STPG2: variants seen among roughly 807,000 people sequenced by gnomAD.
STPG2 encodes the protein sperm tail PG-rich repeat containing 2.
STPG2 carries 56 observed loss-of-function variants against 54.2 expected under a neutral mutation model. The observed-to-expected ratio is 1.03, with a 90% CI of 0.83 to 1.29. STPG2 has a LOEUF of 1.29. STPG2 is among the 50% of genes most tolerant of loss of function. The pLI is 0.00. For synonymous variants in STPG2, 200 were observed against 181.8 expected (o/e 1.10, Z -0.81); for missense variants, 596 against 544.9 (o/e 1.09, Z -0.93).
At chr4:98,017,515 T>TG (rs1207911491) in intron 5 of STPG2, among the ~76,000 whole-genome samples, 4 of 152,206 alleles carry the variant, frequency 2.6e-5, no homozygotes, top group Non-Finnish European at 5.9e-5. Flanking sequence ...CTGCTCAGGT[T>TG]GGGGTGAGGG....
intron 8 of STPG2, among the ~76,000 whole-genome samples, chr4:97,926,817 A>G (rs1323839683): frequency 6.6e-6 from 1 of 152,138 alleles, no homozygotes; most frequent in Non-Finnish European, 1.5e-5. Context: ...AATGATGAAA[A>G]GAGACCACAG....
At chr4:97,897,719 G>A (rs1731012994) in intron 8 of STPG2, among the ~76,000 whole-genome samples, 1 of 151,886 alleles carries the variant, frequency 6.6e-6, no homozygotes. Flanking sequence ...TGAAAAGTGT[G>A]TGTTCACATC....
intron 5 of STPG2, among the ~76,000 whole-genome samples, chr4:98,061,803 T>C (rs1264249535): frequency 2.0e-5 from 3 of 152,006 alleles, no homozygotes; most frequent in African/African-American, 7.2e-5. Context: ...ATAACAGATG[T>C]TGGTGAGGTT....
rs375618958 is a variant in STPG2, at chr4:97,677,519, T to C, written c.1320+35180A>G. Among the ~76,000 whole-genome samples the C allele has an allele frequency of 1.1e-3, 171 of 152,338 alleles. 4 individuals are homozygous for C. The highest frequency in any genetic ancestry group is 9.2e-3 in the East Asian group (48 of 5,190). Reference sequence around the variant, plus strand: ...TAATTTTAATATTCCTGCTTTTAACTGGCCCCTTTACAGCTGGATGGTGGC... The same window carrying C: ...TAATTTTAATATTCCTGCTTTTAACCGGCCCCTTTACAGCTGGATGGTGGC... On this transcript the variant is annotated intron_variant, in intron 10 of 10. Coordinates refer to ENST00000295268, the MANE Select transcript of STPG2 (RefSeq NM_174952.3).
downstream of STPG2, among the ~76,000 whole-genome samples, chr4:97,555,841 G>T (rs181172694): frequency 4.1e-3 from 630 of 152,120 alleles, 3 homozygotes; most frequent in South Asian, 0.02. Context: ...TTTATAAATA[G>T]AAGACACAAA....
At chr4:98,115,601 C>T (rs1399820722) in intron 3 of STPG2, among the ~76,000 whole-genome samples, 6 of 151,914 alleles carry the variant, frequency 3.9e-5, no homozygotes, top group African/African-American at 1.2e-4. Context: ...ACAATAATTA[C>T]CCATCTATTG....
In STPG2 at chr4:97,712,795, A is replaced by G. The variant is rs765527613; in HGVS notation, c.1224T>C (p.Pro408=). ...TDGPGPAAYN[P]VLRKSCPIPL... ...GTATGGGGCAAGATTTCCTTAAAAC[A>G]GGATTGTATGCTGCAGGACCTGAGA... Residue 408 remains proline, a synonymous_variant, in exon 10 of 11, where the codon CCT becomes CCC. Coordinates refer to ENST00000295268, the MANE Select transcript of STPG2 (RefSeq NM_174952.3). 6.2e-7 allele frequency: 1 copy of G among 1,606,500 alleles called. No homozygotes were observed. Among genetic ancestry groups the G allele is most frequent in the Non-Finnish European group, 8.5e-7 (1 of 1,175,630 alleles).
rs1019513222 is a variant in STPG2 at position 98,143,453 on chromosome 4, G to T, written c.-303C>A. ...CAAAATTGGGTATTAGGGATTAGAC[G>T]CTCGCCCCGGTGCTTCCGGCCCTGA... On this transcript the variant is annotated 5_prime_UTR_variant, in exon 1 of 11. Coordinates refer to ENST00000295268, the MANE Select transcript of STPG2 (RefSeq NM_174952.3). 2.0e-5 allele frequency among the ~76,000 whole-genome samples: 3 copies of T among 152,140 alleles called. No individual in the cohort carries two copies. Among genetic ancestry groups the T allele is most frequent in the Admixed American group, 6.5e-5 (1 of 15,278 alleles).
intron 10 of STPG2, among the ~76,000 whole-genome samples, chr4:97,573,694 A>G (rs1412100798): frequency 3.3e-5 from 5 of 152,168 alleles, no homozygotes; most frequent in African/African-American, 1.2e-4. Flanking sequence ...AAATGTCCTC[A>G]ATATCTACAT....
intron 9 of STPG2, among the ~76,000 whole-genome samples, chr4:97,840,222 T>C (rs1728754774): frequency 6.6e-6 from 1 of 151,656 alleles, no homozygotes; most frequent in South Asian, 2.1e-4. Context: ...ATATCTTCTA[T>C]ATGACTGATT....
intron 10 of STPG2, among the ~76,000 whole-genome samples, chr4:97,564,976 A>G (rs1037709504): frequency 1.3e-5 from 2 of 152,048 alleles, no homozygotes; most frequent in African/African-American, 4.8e-5. Flanking sequence ...TCTGAATGTT[A>G]GCCTGCCTTG....
chr4:97,775,784 T>A (rs1726356882), intron 9 of STPG2, among the ~76,000 whole-genome samples: 2 of 152,194 alleles, frequency 1.3e-5, no homozygotes, highest in South Asian at 4.1e-4. Context: ...ATTATTATTT[T>A]TAAAACAGAG....
At chr4:97,724,028 A>T (rs993824117) in intron 9 of STPG2, among the ~76,000 whole-genome samples, 1 of 152,186 alleles carries the variant, frequency 6.6e-6, no homozygotes, top group African/African-American at 2.4e-5. Context: ...TTGTTTACCT[A>T]TTGAGTTGCA....
chr4:98,007,035 G>T (rs1232252762), intron 5 of STPG2, among the ~76,000 whole-genome samples: 1 of 152,166 alleles, frequency 6.6e-6, no homozygotes, highest in Non-Finnish European at 1.5e-5. Flanking sequence ...CTCGAGTATG[G>T]ATTTGCCTGG....
chr4:97,749,195 C>T (rs1578531976), intron 9 of STPG2, among the ~76,000 whole-genome samples: 1 of 151,724 alleles, frequency 6.6e-6, no homozygotes, highest in South Asian at 2.1e-4. Flanking sequence ...CTTCCCACTA[C>T]TAATTGTATC....
intron 10 of STPG2, among the ~76,000 whole-genome samples, chr4:97,618,156 C>A (rs1235902149): frequency 6.6e-6 from 1 of 152,066 alleles, no homozygotes; most frequent in Non-Finnish European, 1.5e-5. Context: ...TAGAATGTTG[C>A]AGACAAGATA....
chr4:97,651,356 T>C (rs1471157981), intron 10 of STPG2, among the ~76,000 whole-genome samples: 1 of 152,112 alleles, frequency 6.6e-6, no homozygotes, highest in African/African-American at 2.4e-5. Flanking sequence ...CCTCAGAGTA[T>C]CAACAGGTTA....
At chr4:97,461,810 C>T (rs2148808494) in intron 4 of STPG2, among the ~76,000 whole-genome samples, 1 of 151,956 alleles carries the variant, frequency 6.6e-6, no homozygotes, top group East Asian at 1.9e-4. Flanking sequence ...GGCTGTCTGC[C>T]TCTTTTAAAT....
intron 4 of STPG2, among the ~76,000 whole-genome samples, chr4:97,549,015 G>A (rs915505895): frequency 2.0e-5 from 3 of 152,266 alleles, no homozygotes; most frequent in Non-Finnish European, 4.4e-5. Context: ...AATGTTGAAT[G>A]AGAACTTCTG....
Sources: gnomAD v4.1 joint callset for allele counts (sites outside exome capture counted in the v4.1 genomes callset) on GRCh38, gnomAD v4.1.1 for gene constraint, MANE v1.5 for transcripts, NCBI Gene and HGNC (gene_info 2026-07-23, HGNC 2026-07-21) for gene names.